Variants in DOCK7 observed in about 807,000 individuals in gnomAD.
DOCK7 encodes dedicator of cytokinesis protein 7.
DOCK7 carries 138 observed loss-of-function variants against 271.0 expected under a neutral mutation model. That is an observed-to-expected ratio of 0.51 (90% CI 0.44 to 0.59). DOCK7 has a LOEUF of 0.59. Ranked by LOEUF, DOCK7 falls within the 20% of genes least tolerant of loss-of-function variation. DOCK7 has a pLI of 0.00. For missense variants in DOCK7, 2,066 were observed against 2,592.4 expected (o/e 0.80, Z 4.41); for synonymous variants, 823 against 876.1 (o/e 0.94, Z 1.07).
intron 37 of DOCK7, among the ~76,000 whole-genome samples, chr1:62,502,851 T>G (rs953509010): frequency 3.9e-5 from 6 of 152,156 alleles, no homozygotes; most frequent in African/African-American, 1.4e-4. Context: ...TATGAAAGGT[T>G]TAATTCAATT....
intron 20 of DOCK7, 61 bp downstream of exon 20, chr1:62,558,925 TAAC>T: frequency 7.5e-7 from 1 of 1,332,482 alleles, no homozygotes; most frequent in Non-Finnish European, 1.0e-6. Context: ...TTTTTTTTTT[TAAC>T]AAAATTTAGA....
At chr1:62,485,479 C>T in intron 43 of DOCK7, 1 of 985,252 alleles carries the variant, frequency 1.0e-6, no homozygotes, top group Non-Finnish European at 1.2e-6. Flanking sequence ...AGTTGGGGAG[C>T]AAGTTATCAA....
At chr1:62,646,333 G>A (rs745798534) in intron 7 of DOCK7, among the ~76,000 whole-genome samples, 4 of 152,184 alleles carry the variant, frequency 2.6e-5, no homozygotes, top group Non-Finnish European at 5.9e-5. Context: ...ATTGTCAGGT[G>A]CTGAGGAAAA....
At chr1:62,531,911 G>T (rs943488889) in intron 29 of DOCK7, among the ~76,000 whole-genome samples, 3 of 152,202 alleles carry the variant, frequency 2.0e-5, no homozygotes, top group Admixed American at 6.5e-5. Flanking sequence ...GAAAGACAAG[G>T]TGCCTGTTCT....
intron 11 of DOCK7, among the ~76,000 whole-genome samples, chr1:62,630,323 C>T (rs545395389): frequency 1.3e-5 from 2 of 152,248 alleles, no homozygotes; most frequent in South Asian, 4.2e-4. Context: ...TTTCAAGTGG[C>T]TGTGGTTTTC....
Position 62,489,001 on chromosome 1 carries a change from C to G in DOCK7, c.5426G>C (p.Arg1809Pro). 1 of 1,612,610 alleles carries G rather than the reference C, an allele frequency of 6.2e-7. No homozygotes were observed. Among genetic ancestry groups the G allele is most frequent in the Non-Finnish European group, 8.5e-7 (1 of 1,179,282 alleles). ...AATTGTGGATAGTTTCTTTGCATCC[C>G]GATTAGCTTCATGAATAGGAATAAG... ...KVLIPIHEANRDAKKLSTIHG... is the reference protein window; with the variant it reads ...KVLIPIHEANPDAKKLSTIHG... Residue 1809 changes from arginine to proline, a missense_variant, in exon 42 of 50, where the codon CGG (arginine) becomes CCG (proline). Arg to Pro is a moderately radical substitution (Grantham distance 103). Coordinates refer to ENST00000635253, the MANE Select transcript of DOCK7 (RefSeq NM_001367561.1).
chr1:62,594,977 A>G (rs1649009540), intron 14 of DOCK7, among the ~76,000 whole-genome samples: 1 of 152,222 alleles, frequency 6.6e-6, no homozygotes, highest in Non-Finnish European at 1.5e-5. Flanking sequence ...CTATTTAAAG[A>G]AGGAGAAAAT....
intron 15 of DOCK7, chr1:62,584,178 C>G: frequency 1.0e-6 from 1 of 984,020 alleles, no homozygotes; most frequent in Non-Finnish European, 1.2e-6. Flanking sequence ...GGCATATTAG[C>G]AGGTATTTCT....
chr1:62,680,269 C>G (rs1318091634), intron 1 of DOCK7, among the ~76,000 whole-genome samples: 4 of 152,054 alleles, frequency 2.6e-5, no homozygotes, highest in African/African-American at 4.8e-5. Context: ...ACAAACCTGA[C>G]AAAAACAAGA....
At chr1:62,535,370 AG>A in intron 29 of DOCK7, 122 bp downstream of exon 29, 1 of 745,786 alleles carries the variant, frequency 1.3e-6, no homozygotes, top group Non-Finnish European at 2.1e-6. Context: ...CTTAGTGAAG[AG>A]GGAAGTAGAA....
In DOCK7 at chr1:62,603,957, T is replaced by C; in HGVS notation, c.1682+14749A>G. On this transcript the variant is annotated intron_variant, in intron 14 of 49. Transcript: ENST00000635253. ...TTAATAACTCACAGATTTTTAAAAC[T>C]TTTCTTTTCAGGAGAATTTTGGTTG... 1.9e-6 allele frequency: 3 copies of C among 1,612,034 alleles called. No homozygotes were observed. In the South Asian group the frequency reaches 3.3e-5, roughly 18 times the overall value.
intron 22 of DOCK7, 59 bp from the exon 23 acceptor site, chr1:62,545,098 A>G (rs752137579): frequency 7.2e-7 from 1 of 1,387,210 alleles, no homozygotes; most frequent in Non-Finnish European, 9.8e-7. Context: ...TGCATGCTAT[A>G]AATTATTCTT....
chr1:62,477,872 C>A (rs756885887), intron 43 of DOCK7, 47 bp from the exon 44 acceptor site: 18 of 1,522,182 alleles, frequency 1.2e-5, no homozygotes, highest in Non-Finnish European at 1.6e-5. Flanking sequence ...AATATGAAAT[C>A]TTCCTGTTTT....
At chr1:62,492,522 A>C (rs769143071) in intron 41 of DOCK7, 182 bp downstream of exon 41, 3 of 627,910 alleles carry the variant, frequency 4.8e-6, no homozygotes, top group Non-Finnish European at 8.0e-6. Context: ...TCCTGGATTC[A>C]AGCAATCCTC....
intron 23 of DOCK7, 40 bp from the exon 24 acceptor site, chr1:62,543,785 C>T (rs549603947): frequency 3.7e-5 from 54 of 1,449,142 alleles, no homozygotes; most frequent in Non-Finnish European, 5.1e-5. Context: ...ATAACATTAA[C>T]GTTTGCAGTG....
chr1:62,475,734 T>G lies in DOCK7; in HGVS notation c.5934A>C (p.Thr1978=). The G allele has an allele frequency of 6.2e-7, 1 of 1,614,012 alleles. No homozygotes were observed. Among genetic ancestry groups the G allele is most frequent in the Non-Finnish European group, 8.5e-7 (1 of 1,179,908 alleles). The part of the protein sequence containing the change: ...TTSHAFPYIK[T]RVNVTHKEEI... ...CTTCTTTATGAGTGACATTGACCCT[T>G]GTTTTAATATAAGGAAAGGCATGAG... The change falls in exon 46 of 50, where the codon ACA becomes ACC. Residue 1978 remains threonine (T), a synonymous_variant. Coordinates refer to ENST00000635253, the MANE Select transcript of DOCK7 (RefSeq NM_001367561.1).
Position 62,631,315 on chromosome 1 carries a change from T to C in DOCK7, c.1207A>G (p.Ile403Val), listed in dbSNP as rs1233679245. ...KYRMPFAWTA[I>V]HLMNIVSSAG... Reference sequence around the variant, plus strand: ...CTGCTAACAATATTCATTAAATGGATTGCAGTCCAAGCAAAAGGCATGCGA... The same window carrying C: ...CTGCTAACAATATTCATTAAATGGACTGCAGTCCAAGCAAAAGGCATGCGA... The change falls in exon 11 of 50, where the codon ATC becomes GTC. Residue 403 changes from isoleucine to valine, a missense_variant. Around this residue, in one of 2 missense-constraint regions of DOCK7, gnomAD observed 1,414 missense variants for 1,670.4 expected, o/e 0.85. Coordinates refer to ENST00000635253, the MANE Select transcript of DOCK7 (RefSeq NM_001367561.1). 2.0e-5 allele frequency: 33 copies of C among 1,613,556 alleles called. No individual in the cohort carries two copies. Among genetic ancestry groups the C allele is most frequent in the East Asian group, 2.2e-5 (1 of 44,862 alleles).
intron 14 of DOCK7, among the ~76,000 whole-genome samples, chr1:62,616,189 T>C (rs1175640085): frequency 5.9e-5 from 9 of 151,814 alleles, no homozygotes; most frequent in Non-Finnish European, 1.0e-4. Context: ...GATACATCCT[T>C]AAGAGAAAAC....
At chr1:62,596,135 G>A (rs1429051156) in intron 14 of DOCK7, among the ~76,000 whole-genome samples, 1 of 152,054 alleles carries the variant, frequency 6.6e-6, no homozygotes, top group Non-Finnish European at 1.5e-5. Context: ...AGCATTTTGA[G>A]CACTACCTGT....
Sources: allele counts gnomAD v4.1 joint callset (sites outside exome capture counted in the v4.1 genomes callset), GRCh38; gene constraint gnomAD v4.1.1; regional missense constraint gnomAD v4.1.1; transcripts MANE v1.5; gene names NCBI Gene and HGNC (gene_info 2026-07-23, HGNC 2026-07-21).